Variants in MYBPC1 observed in about 807,000 individuals in gnomAD.
The protein encoded by MYBPC1 is myosin binding protein C1, also known as myosin-binding protein C, slow-type.
In MYBPC1, 52 loss-of-function variants were observed where a neutral mutation model predicts 147.1. That is an observed-to-expected ratio of 0.35 (90% confidence interval 0.28 to 0.45). The LOEUF is 0.45. Ranked by LOEUF, MYBPC1 falls within the 20% of genes least tolerant of loss-of-function variation. The probability of loss-of-function intolerance (pLI) is 1.00; values close to 1 mark genes in which losing one functional copy is unlikely to be tolerated. For missense variants in MYBPC1, 1,228 were observed against 1,440.3 expected (o/e 0.85, Z 2.39); for synonymous variants, 477 against 475.9 (o/e 1.00, Z -0.03).
rs544862194 is a variant in MYBPC1, at chr12:101,684,201, G to A, written c.3493-181G>A. ...ATTAATGATCCTTTTGACGTGACTG[G>A]ATCCCCACCCTTCATTTCATGTGCT... is the stretch of plus-strand genomic sequence containing the variant. On this transcript the variant is annotated intron_variant, in intron 30 of 31. Transcript: ENST00000361466. Among the ~76,000 whole-genome samples the A allele has an allele frequency of 3.3e-5, 5 of 152,138 alleles. No individual in the cohort carries two copies. In the South Asian group the frequency reaches 8.3e-4, roughly 25 times the overall value.
chr12:101,635,463 T>G (rs1237322318), intron 9 of MYBPC1, among the ~76,000 whole-genome samples: 1 of 151,694 alleles, frequency 6.6e-6, no homozygotes, highest in African/African-American at 2.4e-5. Context: ...AAATCAAAAC[T>G]TTAATTACTT....
chr12:101,650,361 T>C (rs1184424916), intron 15 of MYBPC1, among the ~76,000 whole-genome samples: 1 of 152,158 alleles, frequency 6.6e-6, no homozygotes, highest in Admixed American at 6.6e-5. Flanking sequence ...GACTGGGTAA[T>C]CTATAAAGGA....
At chr12:101,640,628 T>C (rs1593836623) in intron 10 of MYBPC1, among the ~76,000 whole-genome samples, 1 of 152,174 alleles carries the variant, frequency 6.6e-6, no homozygotes, top group African/African-American at 2.4e-5. Context: ...CCTTCTATTT[T>C]CCAGGAGTTC....
At chr12:101,602,661 A>G (rs1880558405) in intron 1 of MYBPC1, among the ~76,000 whole-genome samples, 1 of 152,204 alleles carries the variant, frequency 6.6e-6, no homozygotes, top group South Asian at 2.1e-4. Flanking sequence ...CCTCAACATA[A>G]GGGATGTAAC....
At chr12:101,692,812 A>C in the MYBPC1 span, among the ~76,000 whole-genome samples, 1 of 152,340 alleles carries the variant, frequency 6.6e-6, no homozygotes, top group South Asian at 2.1e-4. Context: ...GGGGTAAGGT[A>C]GAAGAAATAA....
intron 4 of MYBPC1, among the ~76,000 whole-genome samples, chr12:101,627,540 G>A (rs1288539807): frequency 1.3e-5 from 2 of 152,242 alleles, no homozygotes; most frequent in South Asian, 2.1e-4. Flanking sequence ...ACCGCCCCCA[G>A]CTGGGATTTT....
chr12:101,602,420 T>C (rs1490267133), intron 1 of MYBPC1, among the ~76,000 whole-genome samples: 1 of 152,146 alleles, frequency 6.6e-6, no homozygotes, highest in Non-Finnish European at 1.5e-5. Flanking sequence ...TTTCAACATA[T>C]TGGCCAGGCT....
rs1347182001 is a variant in MYBPC1 at position 101,680,483 on chromosome 12, C to T, written c.3387C>T (p.Val1129=). The T allele has an allele frequency of 6.2e-7, 1 of 1,614,110 alleles. No homozygotes were observed. The highest frequency in any genetic ancestry group is 1.1e-5 in the South Asian group (1 of 91,084). ...GAGGCACTTACTGCTGCAAAGCAGT[C>T]AATGACCTTGGGACAGTGGAGATTG... The part of the protein sequence containing the change: ...YDGGTYCCKA[V]NDLGTVEIEC... The change falls in exon 29 of 32, where the codon GTC becomes GTT. Residue 1129 remains valine, a synonymous_variant. Coordinates refer to ENST00000361466, the MANE Select transcript of MYBPC1 (RefSeq NM_002465.4).
chr12:101,672,562 T>C (rs1468032276), intron 24 of MYBPC1, among the ~76,000 whole-genome samples: 1 of 152,162 alleles, frequency 6.6e-6, no homozygotes, highest in African/African-American at 2.4e-5. Flanking sequence ...ATTTAGATGA[T>C]ATTGGCCGGG....
chr12:101,662,527 C>A lies in MYBPC1; in HGVS notation c.2202C>A (p.Ser734=). Residue 734 remains serine (S), a synonymous_variant, in exon 21 of 32, where the codon TCC becomes TCA. Coordinates refer to ENST00000361466, the MANE Select transcript of MYBPC1 (RefSeq NM_002465.4). ...GCATCTCCAAGCCCAGTATGCCCTC[C>A]AGGCCTTTTGTTCCTTTGGGTAAGT... ...AIGISKPSMP[S]RPFVPLAVTS... is the part of the protein sequence containing the mutation. 1 of 1,614,144 alleles carries A rather than the reference C, an allele frequency of 6.2e-7. No homozygotes were observed. Among genetic ancestry groups the A allele is most frequent in the Non-Finnish European group, 8.5e-7 (1 of 1,180,004 alleles).
At chr12:101,597,835 G>C (rs1188114306) in intron 1 of MYBPC1, among the ~76,000 whole-genome samples, 1 of 152,054 alleles carries the variant, frequency 6.6e-6, no homozygotes, top group African/African-American at 2.4e-5. Context: ...CAGAACCTAA[G>C]GCCTAGTACA....
chr12:101,672,756 G>T (rs1898995098), intron 24 of MYBPC1, among the ~76,000 whole-genome samples: 2 of 152,148 alleles, frequency 1.3e-5, no homozygotes, highest in Non-Finnish European at 2.9e-5. Context: ...GGGTGAGCAG[G>T]AGAATCCCTT....
intron 3 of MYBPC1, among the ~76,000 whole-genome samples, chr12:101,621,390 A>T (rs770420002): frequency 1.3e-5 from 2 of 152,226 alleles, no homozygotes; most frequent in Non-Finnish European, 2.9e-5. Flanking sequence ...ATAAGCATCA[A>T]AGTGTGAAGG....
At chr12:101,655,084 A>G (rs1194429777) in intron 18 of MYBPC1, among the ~76,000 whole-genome samples, 1 of 151,902 alleles carries the variant, frequency 6.6e-6, no homozygotes, top group Non-Finnish European at 1.5e-5. Context: ...GAGAAAAGTC[A>G]GTTACAGCCA....
chr12:101,603,387 C>G (rs1880888644), intron 1 of MYBPC1, among the ~76,000 whole-genome samples: 1 of 151,730 alleles, frequency 6.6e-6, no homozygotes, highest in Admixed American at 6.6e-5. Context: ...ATCAGGGGTG[C>G]TTTTTGGTGG....
intron 22 of MYBPC1, 51 bp downstream of exon 22, chr12:101,663,611 T>C: frequency 6.3e-7 from 1 of 1,583,266 alleles, no homozygotes. Context: ...AGGTGAGATA[T>C]GTCCCTCCCC....
At chr12:101,695,266 T>A in the MYBPC1 span, among the ~76,000 whole-genome samples, 2 of 152,162 alleles carry the variant, frequency 1.3e-5, no homozygotes, top group African/African-American at 4.8e-5. Context: ...ATGTACTATG[T>A]TGTTTCTAAT....
At chr12:101,626,088 CAAA>C (rs769008600) in intron 3 of MYBPC1, among the ~76,000 whole-genome samples, 50 of 55,070 alleles carry the variant, frequency 9.1e-4, no homozygotes, top group African/African-American at 3.1e-3. Flanking sequence ...AACTCTGTCT[CAAA>C]AAAAAAAAAA....
At position 101,624,683 on chromosome 12, in the gene MYBPC1, ATTTTT is replaced by A. The variant is rs57175970; in HGVS notation, c.104-2167_104-2163del. Among the ~76,000 whole-genome samples the A allele has an allele frequency of 1.2e-3, 121 of 99,098 alleles. 4 individuals carry two copies. The highest frequency in any genetic ancestry group is 0.01 in the Admixed American group (90 of 8,726). 65.0% of individuals were successfully genotyped at this position (99,098 alleles called of 152,430 possible). On this transcript the variant is annotated intron_variant, in intron 3 of 31. Coordinates refer to ENST00000361466, the MANE Select transcript of MYBPC1 (RefSeq NM_002465.4). ...AATAATATACAAGCCCGGCTAATTA[ATTTTT>A]TTTTTTTTTTTTTTTTTTTTTACGG...
Sources: allele counts gnomAD v4.1 joint callset (sites outside exome capture counted in the v4.1 genomes callset), GRCh38; gene constraint gnomAD v4.1.1; transcripts MANE v1.5; gene names NCBI Gene and HGNC (gene_info 2026-07-23, HGNC 2026-07-21).